The following AGBL1 variants were observed in gnomAD, a reference collection of about 807,000 sequenced individuals.
AGBL1 encodes cytosolic carboxypeptidase 4.
AGBL1 carries 130 observed loss-of-function variants against 118.9 expected under a neutral mutation model. The ratio of observed to expected loss-of-function variants is 1.09; its 90% CI spans 0.95 to 1.26. AGBL1 has a LOEUF of 1.26. Ranked by LOEUF, AGBL1 falls within the 50% of genes most tolerant of loss-of-function variation. The pLI is 0.00. For synonymous variants in AGBL1, 555 were observed against 478.9 expected, an observed-to-expected ratio of 1.16 and a Z score of -2.08; for missense variants, 1,584 against 1,298.1, an observed-to-expected ratio of 1.22 and a Z score of -3.38.
At chr15:86,479,482 C>T (rs1372079368) in intron 18 of AGBL1, among the ~76,000 whole-genome samples, 2 of 152,150 alleles carry the variant, frequency 1.3e-5, no homozygotes, top group East Asian at 1.9e-4. Flanking sequence ...TGAAAAAATG[C>T]TCATCATCAC....
At chr15:86,961,225 T>C (rs2080989590) in intron 23 of AGBL1, among the ~76,000 whole-genome samples, 1 of 151,992 alleles carries the variant, frequency 6.6e-6, no homozygotes, top group South Asian at 2.1e-4. Flanking sequence ...ACAATTTTTG[T>C]CACTAATACT....
At chr15:86,942,340 T>C (rs1207866474) in intron 23 of AGBL1, among the ~76,000 whole-genome samples, 1 of 152,252 alleles carries the variant, frequency 6.6e-6, no homozygotes, top group Non-Finnish European at 1.5e-5. Flanking sequence ...GTTCTACTCC[T>C]GGAAGGGCTC....
rs537663768 is a variant in AGBL1, at chr15:86,165,311, G to C, written c.488+6285G>C. On this transcript the variant is annotated intron_variant, in intron 5 of 22. Transcript: ENST00000614907. The stretch of plus-strand genomic sequence containing the variant: ...ATTACTGGGCATTGCTTTATTGGCA[G>C]CCCTTTCTGGTGATTTCATCTGCAA... 2.0e-5 allele frequency among the ~76,000 whole-genome samples: 3 copies of C among 152,260 alleles called. No homozygotes were observed. The East Asian group carries it at 5.8e-4, about 30-fold the overall frequency.
At chr15:86,852,567 C>G (rs952449210) in intron 22 of AGBL1, among the ~76,000 whole-genome samples, 1 of 152,194 alleles carries the variant, frequency 6.6e-6, no homozygotes, top group Non-Finnish European at 1.5e-5. Flanking sequence ...GCTGATCTCC[C>G]AATGCCTCTT....
chr15:86,553,244 CTGGGACTAATCGCAG>C (rs2083687397), intron 20 of AGBL1, among the ~76,000 whole-genome samples: 1 of 152,134 alleles, frequency 6.6e-6, no homozygotes, highest in Non-Finnish European at 1.5e-5. Flanking sequence ...CATAAAAGTT[CTGGGACTAATCGCAG>C]TATTTCTGCT....
chr15:86,274,307 TA>T (rs2141700220), intron 15 of AGBL1, among the ~76,000 whole-genome samples: 2 of 152,300 alleles, frequency 1.3e-5, no homozygotes, highest in South Asian at 4.1e-4. Context: ...TAGATCTGAT[TA>T]GATTATTTTA....
chr15:86,498,445 A>C (rs1375153690), intron 18 of AGBL1, among the ~76,000 whole-genome samples: 1 of 151,866 alleles, frequency 6.6e-6, no homozygotes, highest in Non-Finnish European at 1.5e-5. Flanking sequence ...CTCTATGACA[A>C]GAGTGTTTCT....
intron 23 of AGBL1, among the ~76,000 whole-genome samples, chr15:86,945,268 G>C (rs939893697): frequency 7.9e-6 from 1 of 126,884 alleles, no homozygotes; most frequent in Non-Finnish European, 1.7e-5. Context: ...AAAAAAAAAA[G>C]TTATAAAGAA....
At chr15:86,952,476 T>C (rs1452667886) in intron 23 of AGBL1, among the ~76,000 whole-genome samples, 1 of 152,200 alleles carries the variant, frequency 6.6e-6, no homozygotes, top group Non-Finnish European at 1.5e-5. Context: ...TAATTAAAAC[T>C]GGTATCTTGC....
intron 21 of AGBL1, among the ~76,000 whole-genome samples, chr15:86,592,436 C>T (rs1183853316): frequency 6.6e-6 from 1 of 152,190 alleles, no homozygotes; most frequent in Non-Finnish European, 1.5e-5. Flanking sequence ...TTGAGAGATC[C>T]AAGTGTGCTG....
intron 22 of AGBL1, among the ~76,000 whole-genome samples, chr15:86,905,959 C>T (rs1268812181): frequency 6.6e-6 from 1 of 152,196 alleles, no homozygotes; most frequent in Non-Finnish European, 1.5e-5. Context: ...AATGTCCCAC[C>T]AGACCTTCAG....
In AGBL1 at chr15:86,133,671, C is replaced by G. The variant is rs925539226; in HGVS notation, c.52-8333C>G. ...TCTAGACCGTGAATACCCTTTTTAC[C>G]GAGGAGGATCATTGATATCCTTGAC... On this transcript the variant is annotated intron_variant, in intron 1 of 22. Transcript: ENST00000614907. Among the ~76,000 whole-genome samples the G allele has an allele frequency of 7.2e-5, 11 of 152,218 alleles. No homozygotes were observed. The South Asian group carries it at 2.3e-3, about 32-fold the overall frequency.
At chr15:86,206,757 G>A (rs1157464046) in intron 5 of AGBL1, among the ~76,000 whole-genome samples, 2 of 152,266 alleles carry the variant, frequency 1.3e-5, no homozygotes, top group East Asian at 1.9e-4. Flanking sequence ...CCATTCTGTA[G>A]GTTGCCTGTT....
At chr15:86,212,605 T>C (rs914010920) in intron 5 of AGBL1, among the ~76,000 whole-genome samples, 5 of 152,202 alleles carry the variant, frequency 3.3e-5, no homozygotes, top group African/African-American at 7.2e-5. Flanking sequence ...TTGAACTTCA[T>C]TGGTACTAAA....
At chr15:86,146,983 C>G (rs553683167) in intron 3 of AGBL1, among the ~76,000 whole-genome samples, 1 of 152,212 alleles carries the variant, frequency 6.6e-6, no homozygotes, top group South Asian at 2.1e-4. Context: ...TTAGACATCA[C>G]CCATTGACAG....
At chr15:86,277,318 A>ATGTG (rs5814232) in intron 15 of AGBL1, among the ~76,000 whole-genome samples, 24 of 147,806 alleles carry the variant, frequency 1.6e-4, no homozygotes, top group African/African-American at 5.7e-4. Context: ...GTGTGTGTGT[A>ATGTG]TGTGTGTGTG....
chr15:86,873,969 C>T (rs1398089087), intron 22 of AGBL1, among the ~76,000 whole-genome samples: 1 of 152,070 alleles, frequency 6.6e-6, no homozygotes, highest in African/African-American at 2.4e-5. Flanking sequence ...CAAAACTTGG[C>T]TCTATTACCT....
rs547057188 is a variant in AGBL1 at position 86,329,484 on chromosome 15, G to A, written c.2374+34076G>A. Among the ~76,000 whole-genome samples the A allele has an allele frequency of 1.2e-4, 19 of 152,034 alleles. No individual in the cohort carries two copies. In the South Asian group the frequency reaches 3.3e-3, roughly 27 times the overall value. ...AAATCTCCAGGTATTTGGAGCACCC[G>A]CTCACCTGAGTCACCTCACCCTTCC... On this transcript the variant is annotated intron_variant, in intron 17 of 22. Transcript: ENST00000614907.
chr15:86,981,241 AAC>A (rs1488496809), intron 23 of AGBL1, among the ~76,000 whole-genome samples: 1 of 152,184 alleles, frequency 6.6e-6, no homozygotes, highest in African/African-American at 2.4e-5. Context: ...TTAATTATTT[AAC>A]CAGAATGTAT....
Sources: allele counts gnomAD v4.1 joint callset (sites outside exome capture counted in the v4.1 genomes callset), GRCh38; gene constraint gnomAD v4.1.1; transcripts MANE v1.5; gene names NCBI Gene and HGNC (gene_info 2026-07-23, HGNC 2026-07-21).